The following FRMD4A variants were observed in gnomAD, a reference collection of about 807,000 sequenced individuals.
FRMD4A encodes the protein FERM domain-containing protein 4A.
A neutral mutation model predicts 129.1 loss-of-function variants in FRMD4A; 29 were observed. The observed-to-expected ratio is 0.22, with a 90% CI of 0.17 to 0.31. The LOEUF (loss-of-function observed/expected upper bound fraction) is 0.31, where lower values mean the gene tolerates loss of function less well. Among genes scored for constraint, FRMD4A ranks in the 10% least tolerant of loss-of-function variants. The probability of loss-of-function intolerance (pLI) is 1.00; values close to 1 mark genes in which losing one functional copy is unlikely to be tolerated. For synonymous variants in FRMD4A, 634 were observed against 571.6 expected (o/e 1.11, Z -1.56); for missense variants, 1,272 against 1,375.8 (o/e 0.92, Z 1.19).
chr10:13,864,232 G>A (rs1310357720), intron 2 of FRMD4A, among the ~76,000 whole-genome samples: 3 of 151,360 alleles, frequency 2.0e-5, no homozygotes, highest in Non-Finnish European at 2.9e-5. Context: ...CTGGCCTCAC[G>A]TGATCTTCCC....
intron 2 of FRMD4A, among the ~76,000 whole-genome samples, chr10:14,130,652 C>T (rs1459625760): frequency 6.6e-6 from 1 of 152,134 alleles, no homozygotes; most frequent in African/African-American, 2.4e-5. Context: ...TGACACATGG[C>T]TGGTAGTTTC....
At chr10:13,679,474 T>TATATACACAC (rs1308155926) in intron 15 of FRMD4A, among the ~76,000 whole-genome samples, 6 of 31,490 alleles carry the variant, frequency 1.9e-4, no homozygotes, top group South Asian at 2.0e-3. Flanking sequence ...TATATATATA[T>TATATACACAC]ACACACACAC....
At chr10:13,942,737 A>C (rs1373980796) in intron 2 of FRMD4A, among the ~76,000 whole-genome samples, 2 of 152,114 alleles carry the variant, frequency 1.3e-5, no homozygotes, top group East Asian at 1.9e-4. Flanking sequence ...GACTGAGACC[A>C]TCCTGGCCAA....
chr10:13,657,787 G>GTTTT (rs1204181870), intron 21 of FRMD4A, among the ~76,000 whole-genome samples: 2 of 110,960 alleles, frequency 1.8e-5, no homozygotes, highest in African/African-American at 7.4e-5. Flanking sequence ...TCGATTTCTG[G>GTTTT]GTTTTTTTTT....
chr10:14,185,080 A>C (rs1842044243), intron 2 of FRMD4A, among the ~76,000 whole-genome samples: 1 of 152,222 alleles, frequency 6.6e-6, no homozygotes. Context: ...AATCAACCCA[A>C]GGCCCCTCCA....
At chr10:14,304,205 C>A (rs1233256233) in intron 2 of FRMD4A, among the ~76,000 whole-genome samples, 3 of 152,144 alleles carry the variant, frequency 2.0e-5, no homozygotes, top group African/African-American at 7.2e-5. Flanking sequence ...TGAGGAACTG[C>A]CATATCGTTT....
At chr10:14,113,258 G>A (rs1481661948) in intron 2 of FRMD4A, among the ~76,000 whole-genome samples, 1 of 152,120 alleles carries the variant, frequency 6.6e-6, no homozygotes, top group African/African-American at 2.4e-5. Context: ...ATTTTCTTCT[G>A]CCTCTGCCAT....
chr10:14,281,331 G>A (rs1167194698), intron 2 of FRMD4A, among the ~76,000 whole-genome samples: 1 of 152,182 alleles, frequency 6.6e-6, no homozygotes, highest in Non-Finnish European at 1.5e-5. Flanking sequence ...GCACAGACTG[G>A]TACAGCAGGA....
chr10:14,276,320 G>C (rs1197407841), intron 2 of FRMD4A, among the ~76,000 whole-genome samples: 1 of 152,194 alleles, frequency 6.6e-6, no homozygotes, highest in African/African-American at 2.4e-5. Context: ...AGCTACGTGT[G>C]ACCAGCTTCA....
chr10:13,995,562 G>A (rs2095619509), intron 2 of FRMD4A, among the ~76,000 whole-genome samples: 1 of 152,202 alleles, frequency 6.6e-6, no homozygotes, highest in Admixed American at 6.5e-5. Context: ...TCCAGCCTGG[G>A]CAACAGAGCA....
At chr10:13,942,855 C>G (rs1451365921) in intron 2 of FRMD4A, among the ~76,000 whole-genome samples, 3 of 152,004 alleles carry the variant, frequency 2.0e-5, no homozygotes, top group Non-Finnish European at 2.9e-5. Flanking sequence ...ATTGCTTGAA[C>G]CCAGGAGGTG....
chr10:13,702,607 G>C (rs2086950106), intron 13 of FRMD4A, among the ~76,000 whole-genome samples: 1 of 151,942 alleles, frequency 6.6e-6, no homozygotes, highest in South Asian at 2.1e-4. Flanking sequence ...AGGTGGGCTG[G>C]GATTTGGGGC....
chr10:14,327,272 A>G (rs1314908648), intron 2 of FRMD4A, among the ~76,000 whole-genome samples: 1 of 152,260 alleles, frequency 6.6e-6, no homozygotes, highest in Non-Finnish European at 1.5e-5. Flanking sequence ...GCCCTAGCAT[A>G]AAAGCCAGAG....
chr10:14,173,012 G>C (rs1236642266), intron 2 of FRMD4A, among the ~76,000 whole-genome samples: 1 of 151,860 alleles, frequency 6.6e-6, no homozygotes, highest in Non-Finnish European at 1.5e-5. Context: ...TCATGGTCAG[G>C]CTCATTAACC....
intron 2 of FRMD4A, among the ~76,000 whole-genome samples, chr10:14,077,010 A>T (rs1835650233): frequency 6.6e-6 from 1 of 152,174 alleles, no homozygotes; most frequent in Non-Finnish European, 1.5e-5. Context: ...TACAGAGAAG[A>T]TAGCTCTTGG....
intron 3 of FRMD4A, among the ~76,000 whole-genome samples, chr10:13,834,047 T>C (rs1441141867): frequency 6.6e-6 from 1 of 152,116 alleles, no homozygotes; most frequent in Non-Finnish European, 1.5e-5. Context: ...GTGGATCACC[T>C]GAGATCAGGA....
intron 4 of FRMD4A, among the ~76,000 whole-genome samples, chr10:13,800,551 T>C (rs1793757984): frequency 6.6e-6 from 1 of 152,174 alleles, no homozygotes; most frequent in African/African-American, 2.4e-5. Context: ...AGAGAGAATA[T>C]TCCATTTGTG....
chr10:14,297,433 T>A (rs975429521), intron 2 of FRMD4A, among the ~76,000 whole-genome samples: 37 of 151,782 alleles, frequency 2.4e-4, no homozygotes, highest in Non-Finnish European at 7.4e-5. Context: ...AGAACCAGGG[T>A]CAAAAAGGCA....
intron 2 of FRMD4A, among the ~76,000 whole-genome samples, chr10:14,213,551 A>C (rs1457358021): frequency 6.6e-6 from 1 of 152,226 alleles, no homozygotes; most frequent in Non-Finnish European, 1.5e-5. Flanking sequence ...TGATGGGACT[A>C]GATCATCCCT....
Sources: allele counts gnomAD v4.1 joint callset (sites outside exome capture counted in the v4.1 genomes callset), GRCh38; gene constraint gnomAD v4.1.1; transcripts MANE v1.5; gene names NCBI Gene and HGNC (gene_info 2026-07-23, HGNC 2026-07-21).